The following SLIT2 variants were observed in gnomAD, a reference collection of about 807,000 sequenced individuals.
SLIT2 encodes the protein slit guidance ligand 2, also known as slit homolog 2 protein.
SLIT2 carries 41 observed loss-of-function variants against 185.7 expected under a neutral mutation model. The ratio of observed to expected loss-of-function variants is 0.22; its 90% CI spans 0.17 to 0.29. The LOEUF is 0.29. Ranked by LOEUF, SLIT2 falls within the 10% of genes least tolerant of loss-of-function variation. The probability of loss-of-function intolerance (pLI) is 1.00; values close to 1 mark genes in which losing one functional copy is unlikely to be tolerated. For synonymous variants in SLIT2, 693 were observed against 680.2 expected (o/e 1.02, Z -0.29); for missense variants, 1,571 against 1,909.0 (o/e 0.82, Z 3.30).
At chr4:20,575,640 A>G (rs1316415768) in intron 29 of SLIT2, among the ~76,000 whole-genome samples, 2 of 151,846 alleles carry the variant, frequency 1.3e-5, no homozygotes, top group Non-Finnish European at 2.9e-5. Context: ...CTTCTTTTCT[A>G]TCTCACAATA....
intron 4 of SLIT2, among the ~76,000 whole-genome samples, chr4:20,413,349 C>A (rs1727402104): frequency 6.6e-6 from 1 of 151,858 alleles, no homozygotes; most frequent in East Asian, 1.9e-4. Flanking sequence ...AATATTATTT[C>A]AATTCTTTTA....
intron 29 of SLIT2, among the ~76,000 whole-genome samples, chr4:20,586,696 G>T (rs1184007606): frequency 1.3e-5 from 2 of 152,142 alleles, no homozygotes; most frequent in Non-Finnish European, 2.9e-5. Flanking sequence ...CCATGTATAT[G>T]TCATAAGATA....
intron 4 of SLIT2, among the ~76,000 whole-genome samples, chr4:20,283,590 T>C (rs543432805): frequency 6.6e-6 from 1 of 152,286 alleles, no homozygotes; most frequent in South Asian, 2.1e-4. Context: ...ACACTTAATA[T>C]TAATCATTAC....
intron 4 of SLIT2, among the ~76,000 whole-genome samples, chr4:20,346,309 T>G (rs1264319728): frequency 6.6e-6 from 1 of 152,160 alleles, no homozygotes. Context: ...CTTGATATTT[T>G]GGACCAAATA....
chr4:20,347,806 G>A (rs1027877949), intron 4 of SLIT2, among the ~76,000 whole-genome samples: 5 of 152,216 alleles, frequency 3.3e-5, no homozygotes, highest in African/African-American at 4.8e-5. Context: ...GAAGCAAAGG[G>A]TGAAATGAAG....
intron 4 of SLIT2, among the ~76,000 whole-genome samples, chr4:20,293,831 A>C (rs560828334): frequency 1.3e-5 from 2 of 152,156 alleles, no homozygotes; most frequent in Non-Finnish European, 1.5e-5. Flanking sequence ...GAGAGCCTTC[A>C]CTGTGGCTCA....
intron 29 of SLIT2, chr4:20,573,360 TTG>T (rs1725787915): frequency 1.4e-6 from 1 of 693,428 alleles, no homozygotes; most frequent in African/African-American, 1.8e-5. Context: ...AAAAGGAATG[TTG>T]ACAAAATATA....
chr4:20,318,241 C>T (rs149269832), intron 4 of SLIT2, among the ~76,000 whole-genome samples: 10 of 152,160 alleles, frequency 6.6e-5, no homozygotes, highest in Non-Finnish European at 7.4e-5. Flanking sequence ...AAACAATCAT[C>T]GGCCTCTGCC....
intron 29 of SLIT2, among the ~76,000 whole-genome samples, chr4:20,575,936 G>A (rs373684107): frequency 1.3e-5 from 2 of 151,692 alleles, no homozygotes; most frequent in African/African-American, 4.8e-5. Flanking sequence ...TTCCTGGCAC[G>A]AATATTTATA....
At chr4:20,317,440 T>C (rs1386551052) in intron 4 of SLIT2, among the ~76,000 whole-genome samples, 1 of 152,040 alleles carries the variant, frequency 6.6e-6, no homozygotes, top group Non-Finnish European at 1.5e-5. Flanking sequence ...TTGAAATACA[T>C]TCAATTATCT....
intron 18 of SLIT2, among the ~76,000 whole-genome samples, chr4:20,534,632 C>A (rs1447465218): frequency 1.3e-5 from 2 of 152,066 alleles, no homozygotes; most frequent in Non-Finnish European, 2.9e-5. Context: ...TATTTGTAAC[C>A]AAGAAGCAGT....
At position 20,417,436 on chromosome 4, in the gene SLIT2, G is replaced by GTGTATATATATATATATATATATATATA. The variant is rs1553898364; in HGVS notation, c.396-50315_396-50314insGTATATATATATATATATATATATATAT. Among the ~76,000 whole-genome samples the GTGTATATATATATATATATATATATATA allele has an allele frequency of 2.0e-3, 253 of 123,618 alleles. 3 individuals carry two copies. Among genetic ancestry groups the GTGTATATATATATATATATATATATATA allele is most frequent in the Non-Finnish European group, 3.4e-3 (195 of 56,714 alleles). The allele number at this position is 123,618 out of a possible 152,430, so 81.1% of individuals were successfully genotyped here. On this transcript the variant is annotated intron_variant, in intron 4 of 36. Coordinates refer to ENST00000504154, the MANE Select transcript of SLIT2 (RefSeq NM_004787.4). Reference sequence around the variant, plus strand: ...CGCAATCATATATATATGTGTGTGTGTATATATATATATATATATATACGT... The same window carrying GTGTATATATATATATATATATATATATA: ...CGCAATCATATATATATGTGTGTGTGTGTATATATATATATATATATATATATATATATATATATATATATATATACGT...
intron 18 of SLIT2, among the ~76,000 whole-genome samples, chr4:20,533,964 G>A (rs1437687325): frequency 6.7e-6 from 1 of 148,762 alleles, no homozygotes; most frequent in Non-Finnish European, 1.5e-5. Flanking sequence ...CACGTATTGT[G>A]AATGCAAATG....
intron 4 of SLIT2, among the ~76,000 whole-genome samples, chr4:20,385,003 T>C (rs1365430781): frequency 1.3e-5 from 2 of 152,184 alleles, no homozygotes; most frequent in African/African-American, 2.4e-5. Context: ...GTCATTCTGC[T>C]GGTCTGTCTG....
chr4:20,290,314 T>C (rs1193816353), intron 4 of SLIT2, among the ~76,000 whole-genome samples: 7 of 152,092 alleles, frequency 4.6e-5, no homozygotes, highest in Non-Finnish European at 8.8e-5. Context: ...ATCAAAAATA[T>C]TTGAAAAAAT....
intron 4 of SLIT2, among the ~76,000 whole-genome samples, chr4:20,311,488 G>A (rs1447679171): frequency 6.6e-6 from 1 of 152,076 alleles, no homozygotes; most frequent in South Asian, 2.1e-4. Context: ...ACAGTAGATG[G>A]TAATTCTGAT....
At chr4:20,390,088 G>A (rs73238778) in intron 4 of SLIT2, among the ~76,000 whole-genome samples, 32,649 of 151,860 alleles carry the variant, frequency 0.21, 3,789 homozygotes, top group Non-Finnish European at 0.27. Flanking sequence ...ATCATAGTCC[G>A]TATCAAGAAA....
intron 18 of SLIT2, among the ~76,000 whole-genome samples, chr4:20,536,422 G>A (rs968787025): frequency 6.6e-6 from 1 of 152,074 alleles, no homozygotes; most frequent in Non-Finnish European, 1.5e-5. Flanking sequence ...GCCGGGCATA[G>A]TGGCAGGCAC....
chr4:20,500,489 CTT>C (rs1290503093), intron 9 of SLIT2, among the ~76,000 whole-genome samples: 1 of 152,058 alleles, frequency 6.6e-6, no homozygotes, highest in Non-Finnish European at 1.5e-5. Flanking sequence ...GTTTTTATAA[CTT>C]TGTGCTTTTC....
Sources: gnomAD v4.1 joint callset for allele counts (sites outside exome capture counted in the v4.1 genomes callset) on GRCh38, gnomAD v4.1.1 for gene constraint, MANE v1.5 for transcripts, NCBI Gene and HGNC (gene_info 2026-07-23, HGNC 2026-07-21) for gene names.